Variants in COL21A1 observed in about 807,000 individuals in gnomAD.
COL21A1 encodes collagen type XXI alpha 1 chain.
COL21A1 carries 149 observed loss-of-function variants against 137.9 expected under a neutral mutation model. The observed-to-expected ratio is 1.08, with a 90% CI of 0.95 to 1.24. COL21A1 has a LOEUF of 1.24. COL21A1 is among the 50% of genes most tolerant of loss of function. The pLI, the probability that COL21A1 is intolerant of heterozygous loss-of-function variation, is 0.00. For synonymous variants in COL21A1, 456 were observed against 391.5 expected (o/e 1.16, Z -1.95); for missense variants, 1,167 against 1,158.4 (o/e 1.01, Z -0.11).
intron 1 of COL21A1, among the ~76,000 whole-genome samples, chr6:56,274,636 A>T (rs1763600548): frequency 6.6e-6 from 1 of 152,148 alleles, no homozygotes; most frequent in East Asian, 1.9e-4. Context: ...AAAAAGAAAA[A>T]TGAAATACCT....
intron 1 of COL21A1, among the ~76,000 whole-genome samples, chr6:56,237,139 G>GA (rs5876497): frequency 0.75 from 113,602 of 151,432 alleles, 43,142 homozygotes; most frequent in East Asian, 0.9. Flanking sequence ...AATTCGAAAG[G>GA]AAAAAAAGCC....
At chr6:56,218,853 G>A (rs1323106015) in intron 1 of COL21A1, among the ~76,000 whole-genome samples, 2 of 152,104 alleles carry the variant, frequency 1.3e-5, no homozygotes, top group South Asian at 4.1e-4. Context: ...GGAGCATAGT[G>A]GCCAGCCATC....
chr6:56,191,429 C>CA (rs70986782), intron 1 of COL21A1, among the ~76,000 whole-genome samples: 50 of 133,258 alleles, frequency 3.8e-4, no homozygotes, highest in East Asian at 8.6e-4. Context: ...ACTAAAAATA[C>CA]AAAAAAAAAA....
intron 1 of COL21A1, among the ~76,000 whole-genome samples, chr6:56,294,791 G>A (rs985044423): frequency 6.6e-6 from 1 of 151,930 alleles, no homozygotes; most frequent in African/African-American, 2.4e-5. Context: ...TGGGTCATTT[G>A]CTTTTGTATT....
At chr6:56,206,197 TAA>T (rs1779768427) in intron 1 of COL21A1, among the ~76,000 whole-genome samples, 1 of 150,798 alleles carries the variant, frequency 6.6e-6, no homozygotes, top group Non-Finnish European at 1.5e-5. Context: ...GCAAATTGGA[TAA>T]AGAGTCAAGA....
Position 56,308,278 on chromosome 6 carries a change from G to A in COL21A1, c.-39+85693C>T, listed in dbSNP as rs532637496. Among the ~76,000 whole-genome samples, 7 of 152,316 alleles carry A rather than the reference G, an allele frequency of 4.6e-5. No homozygotes were observed. The South Asian group carries it at 1.2e-3, about 27-fold the overall frequency. Reference sequence around the variant, plus strand: ...TCTTCTTCCATCTTCTGCCATGTGAGGATGCAACAAGGAGGCCCCCATCAG... The same window carrying A: ...TCTTCTTCCATCTTCTGCCATGTGAAGATGCAACAAGGAGGCCCCCATCAG... On this transcript the variant is annotated intron_variant, in intron 1 of 28. Coordinates refer to the COL21A1 transcript ENST00000370819.
chr6:56,075,676 G>A, intron 18 of COL21A1, 144 bp from the exon 19 acceptor site: 1 of 584,516 alleles, frequency 1.7e-6, no homozygotes, highest in Admixed American at 3.6e-5. Flanking sequence ...CAGTAAGGAA[G>A]GAGCAAGGCC....
intron 12 of COL21A1, among the ~76,000 whole-genome samples, chr6:56,141,496 C>T (rs1774404119): frequency 6.6e-6 from 1 of 152,284 alleles, no homozygotes; most frequent in Middle Eastern, 3.4e-3. Context: ...TTTCACATAA[C>T]CCACTCCCCT....
intron 12 of COL21A1, among the ~76,000 whole-genome samples, chr6:56,135,087 G>A (rs1773882057): frequency 6.6e-6 from 1 of 151,934 alleles, no homozygotes; most frequent in Non-Finnish European, 1.5e-5. Context: ...ATGCTAGAAT[G>A]TGAAACCTTT....
At chr6:56,188,238 T>C (rs1425576086) in intron 1 of COL21A1, among the ~76,000 whole-genome samples, 1 of 152,218 alleles carries the variant, frequency 6.6e-6, no homozygotes, top group East Asian at 1.9e-4. Context: ...TAAAGTTTCT[T>C]ATAAGGTTAA....
chr6:56,358,165 C>T (rs112299297), intron 1 of COL21A1, among the ~76,000 whole-genome samples: 24 of 151,998 alleles, frequency 1.6e-4, no homozygotes, highest in Middle Eastern at 3.4e-3. Flanking sequence ...ACTTTTGATA[C>T]GGTTTTAGGT....
At chr6:56,153,436 C>T (rs531036254) in intron 10 of COL21A1, among the ~76,000 whole-genome samples, 62 of 151,972 alleles carry the variant, frequency 4.1e-4, no homozygotes, top group African/African-American at 1.4e-3. Context: ...TTTTCTTTTG[C>T]CTCATTTTCA....
At chr6:56,390,354 G>T (rs1051266932) in intron 1 of COL21A1, among the ~76,000 whole-genome samples, 1 of 152,052 alleles carries the variant, frequency 6.6e-6, no homozygotes, top group African/African-American at 2.4e-5. Flanking sequence ...ATACAAAAAT[G>T]CAAGAAATTA....
At chr6:56,141,655 C>T in intron 12 of COL21A1, 130 bp downstream of exon 12, 1 of 908,680 alleles carries the variant, frequency 1.1e-6, no homozygotes, top group Non-Finnish European at 1.8e-6. Flanking sequence ...CTAATAGCCA[C>T]TGACAAATTT....
intron 3 of COL21A1, among the ~76,000 whole-genome samples, chr6:56,174,110 G>A (rs1033931845): frequency 6.6e-6 from 1 of 152,036 alleles, no homozygotes; most frequent in Non-Finnish European, 1.5e-5. Flanking sequence ...GAAGAAATCA[G>A]AGACAAAGTT....
chr6:56,359,523 C>T (rs1001108719), intron 1 of COL21A1, among the ~76,000 whole-genome samples: 2 of 152,126 alleles, frequency 1.3e-5, no homozygotes, highest in African/African-American at 4.8e-5. Context: ...TGTTTATGTC[C>T]TGTAATTCGT....
chr6:56,191,880 C>G (rs1778708851), intron 1 of COL21A1, among the ~76,000 whole-genome samples: 1 of 152,082 alleles, frequency 6.6e-6, no homozygotes, highest in Non-Finnish European at 1.5e-5. Context: ...CAAAAAAGAG[C>G]CCACATAACC....
intron 1 of COL21A1, among the ~76,000 whole-genome samples, chr6:56,190,449 A>G (rs1179611829): frequency 6.6e-6 from 1 of 152,226 alleles, no homozygotes; most frequent in Non-Finnish European, 1.5e-5. Flanking sequence ...GCAGTAATTA[A>G]TAGCCTACCA....
At chr6:56,250,784 AG>A (rs752485791), upstream of COL21A1, among the ~76,000 whole-genome samples, 5 of 152,212 alleles carry the variant, frequency 3.3e-5, no homozygotes, top group Non-Finnish European at 4.4e-5. Context: ...CATATATTCT[AG>A]CAAGGTCTAA....
Sources: gnomAD v4.1 joint callset for allele counts (sites outside exome capture counted in the v4.1 genomes callset) on GRCh38, gnomAD v4.1.1 for gene constraint, MANE v1.5 for transcripts, NCBI Gene and HGNC (gene_info 2026-07-23, HGNC 2026-07-21) for gene names.